The following SLC19A2 variants were observed in gnomAD, a reference collection of about 807,000 sequenced individuals.
SLC19A2 encodes the protein thiamine transporter 1.
A neutral mutation model predicts 44.7 loss-of-function variants in SLC19A2; 27 were observed. That is an observed-to-expected ratio of 0.60 (90% confidence interval 0.45 to 0.83). The LOEUF is 0.83. Among genes scored for constraint, SLC19A2 ranks in the 40% least tolerant of loss-of-function variants. SLC19A2 has a pLI of 0.00. For synonymous variants in SLC19A2, 239 were observed against 243.6 expected (o/e 0.98, Z 0.18); for missense variants, 566 against 613.7 (o/e 0.92, Z 0.82).
chr1:169,482,086 A>T (rs1169678100), intron 1 of SLC19A2, among the ~76,000 whole-genome samples: 1 of 151,900 alleles, frequency 6.6e-6, no homozygotes, highest in Admixed American at 6.6e-5. Context: ...CTGTAGTCCC[A>T]GCTACTTGGG....
chr1:169,481,391 A>ACT (rs1658442416), intron 1 of SLC19A2, among the ~76,000 whole-genome samples: 1 of 152,262 alleles, frequency 6.6e-6, no homozygotes, highest in East Asian at 1.9e-4. Context: ...GAAAACTGCT[A>ACT]TTAATCATCT....
chr1:169,472,306 C>T (rs1242891072), intron 2 of SLC19A2, among the ~76,000 whole-genome samples: 2 of 152,246 alleles, frequency 1.3e-5, no homozygotes, highest in East Asian at 3.9e-4. Flanking sequence ...ACCAATATAA[C>T]TTGGAAAACA....
intron 1 of SLC19A2, among the ~76,000 whole-genome samples, chr1:169,478,877 T>C (rs997938996): frequency 2.0e-5 from 3 of 151,740 alleles, no homozygotes; most frequent in African/African-American, 7.3e-5. Context: ...CAGTGACTTA[T>C]GATCACACCA....
At chr1:169,484,829 C>G (rs941077633) in intron 1 of SLC19A2, among the ~76,000 whole-genome samples, 1 of 152,170 alleles carries the variant, frequency 6.6e-6, no homozygotes, top group Admixed American at 6.5e-5. Flanking sequence ...CACAGAAGGC[C>G]TTCAAAGACA....
At chr1:169,466,931 G>T (rs1013000534) in intron 5 of SLC19A2, among the ~76,000 whole-genome samples, 6 of 152,130 alleles carry the variant, frequency 3.9e-5, no homozygotes, top group Non-Finnish European at 8.8e-5. Flanking sequence ...AAAGTACAAT[G>T]AGAGTATGGC....
intron 1 of SLC19A2, among the ~76,000 whole-genome samples, chr1:169,482,819 G>A (rs1313239827): frequency 6.6e-6 from 1 of 152,150 alleles, no homozygotes; most frequent in Non-Finnish European, 1.5e-5. Flanking sequence ...GCTTGGTTAT[G>A]TGGAAGTGGT....
At chr1:169,475,638 C>G (rs1249178579) in intron 2 of SLC19A2, among the ~76,000 whole-genome samples, 2 of 152,124 alleles carry the variant, frequency 1.3e-5, no homozygotes, top group Non-Finnish European at 2.9e-5. Context: ...CCCCCATCAA[C>G]CCTCTGTTGA....
At chr1:169,471,675 C>CTGTGTGT (rs142118478) in intron 2 of SLC19A2, among the ~76,000 whole-genome samples, 7 of 131,900 alleles carry the variant, frequency 5.3e-5, no homozygotes, top group African/African-American at 1.8e-4. Context: ...AAAAAACAAA[C>CTGTGTGT]GTGTGTGTGT....
chr1:169,484,052 T>C (rs112959084), intron 1 of SLC19A2, among the ~76,000 whole-genome samples: 3 of 152,198 alleles, frequency 2.0e-5, no homozygotes, highest in African/African-American at 7.2e-5. Flanking sequence ...TATGTAATGA[T>C]CCACAAGACT....
intron 5 of SLC19A2, 70 bp from the exon 6 acceptor site, chr1:169,466,047 A>G: frequency 6.3e-7 from 1 of 1,587,466 alleles, no homozygotes; most frequent in Non-Finnish European, 8.6e-7. Context: ...AAGTATATTC[A>G]GAATTTGTCC....
chr1:169,485,572 G>A lies in SLC19A2; in HGVS notation c.195C>T (p.Thr65=). The change falls in exon 1 of 6, where the codon ACC becomes ACT. Residue 65 remains threonine (T), a synonymous_variant. Transcript: ENST00000236137. The part of the protein sequence containing the change: ...PYLLGPDKNL[T]EREVFNEIYP... Reference sequence around the variant, plus strand: ...CGTCCGCCGCGCGTACCTCCCTCTCGGTCAGGTTCTTGTCCGGCCCCAGCA... The same window carrying A: ...CGTCCGCCGCGCGTACCTCCCTCTCAGTCAGGTTCTTGTCCGGCCCCAGCA... 3 of 1,585,912 alleles carry A rather than the reference G, an allele frequency of 1.9e-6. No individual in the cohort carries two copies. The highest frequency in any genetic ancestry group is 2.6e-6 in the Non-Finnish European group (3 of 1,166,408).
Position 169,485,584 on chromosome 1 carries a change from G to A in SLC19A2, c.183C>T (p.Asp61=). ...PFLTPYLLGP[D]KNLTEREVFN... ...GTACCTCCCTCTCGGTCAGGTTCTT[G>A]TCCGGCCCCAGCAGGTACGGGGTCA... Residue 61 remains aspartate (D), a synonymous_variant, in exon 1 of 6, where the codon GAC becomes GAT. Coordinates refer to ENST00000236137, the MANE Select transcript of SLC19A2 (RefSeq NM_006996.3). The A allele has an allele frequency of 6.3e-7, 1 of 1,586,980 alleles. No individual in the cohort carries two copies. Among genetic ancestry groups the A allele is most frequent in the East Asian group, 2.3e-5 (1 of 43,172 alleles).
intron 1 of SLC19A2, among the ~76,000 whole-genome samples, chr1:169,478,949 C>T (rs1658387324): frequency 6.6e-6 from 1 of 151,840 alleles, no homozygotes; most frequent in South Asian, 2.1e-4. Flanking sequence ...AAATGCCCAG[C>T]CACAGATATT....
rs145285893 is a variant in SLC19A2, at chr1:169,485,880, G to A, written c.-114C>T. 7.4e-3 allele frequency: 8,879 copies of A among 1,197,064 alleles called. 49 individuals are homozygous for A. Among genetic ancestry groups the A allele is most frequent in the South Asian group, 0.01 (657 of 64,112 alleles). The allele number at this position is 1,197,064 out of a possible 1,614,324, so 74.2% of individuals were successfully genotyped here. Reference sequence around the variant, plus strand: ...GTGACGCCTTCTCCCTGTAAGGCCAGGACGTTCTGGACTCGCCGCCGCCTC... The same window carrying A: ...GTGACGCCTTCTCCCTGTAAGGCCAAGACGTTCTGGACTCGCCGCCGCCTC... On this transcript the variant is annotated 5_prime_UTR_variant, in exon 1 of 6. Transcript: ENST00000236137.
chr1:169,484,801 C>A (rs1261840958), intron 1 of SLC19A2, among the ~76,000 whole-genome samples: 3 of 152,208 alleles, frequency 2.0e-5, no homozygotes, highest in Non-Finnish European at 1.5e-5. Flanking sequence ...ACTACGTGCT[C>A]TCAATTACCC....
In SLC19A2 at chr1:169,485,659, C is replaced by T; in HGVS notation, c.108G>A (p.Leu36=). The T allele has an allele frequency of 6.4e-7, 1 of 1,554,478 alleles. No individual in the cohort carries two copies. The highest frequency in any genetic ancestry group is 8.7e-7 in the Non-Finnish European group (1 of 1,149,302). The change falls in exon 1 of 6, where the codon CTG becomes CTA. Residue 36 remains leucine (L), a synonymous_variant. Coordinates refer to ENST00000236137, the MANE Select transcript of SLC19A2 (RefSeq NM_006996.3). The stretch of plus-strand genomic sequence containing the variant: ...TGGCGAAGAAGCCGTAGGCGCAGAG[C>T]AGCGCGGTCGGCAAGAACCAGCATT... ...RRECWFLPTA[L]LCAYGFFASL...
chr1:169,473,399 T>A (rs994459513), intron 2 of SLC19A2, among the ~76,000 whole-genome samples: 1 of 137,966 alleles, frequency 7.2e-6, no homozygotes, highest in Non-Finnish European at 1.5e-5. Flanking sequence ...CACGCCCAGC[T>A]AGTTTTTGTA....
chr1:169,466,012 A>G (rs1361043015), intron 5 of SLC19A2, 35 bp from the exon 6 acceptor site: 8 of 1,612,170 alleles, frequency 5.0e-6, no homozygotes, highest in Non-Finnish European at 6.8e-6. Flanking sequence ...TGAATTATCA[A>G]TGACAAGAGG....
At chr1:169,478,955 A>C (rs1454024164) in intron 1 of SLC19A2, among the ~76,000 whole-genome samples, 2 of 151,972 alleles carry the variant, frequency 1.3e-5, no homozygotes, top group Non-Finnish European at 2.9e-5. Context: ...CCAGCCACAG[A>C]TATTTTCTAA....
Sources: allele counts gnomAD v4.1 joint callset (sites outside exome capture counted in the v4.1 genomes callset), GRCh38; gene constraint gnomAD v4.1.1; transcripts MANE v1.5; gene names NCBI Gene and HGNC (gene_info 2026-07-23, HGNC 2026-07-21).